CLEC16A: variants seen among roughly 807,000 people sequenced by gnomAD.
The protein encoded by CLEC16A is C-type lectin domain containing 16A.
In CLEC16A, 51 loss-of-function variants were observed where a neutral mutation model predicts 109.5. The observed-to-expected ratio is 0.47, with a 90% CI of 0.37 to 0.59. The LOEUF is 0.59. Among genes scored for constraint, CLEC16A ranks in the 20% least tolerant of loss-of-function variants. CLEC16A has a pLI of 0.00. For synonymous variants in CLEC16A, 673 were observed against 564.2 expected (o/e 1.19, Z -2.73); for missense variants, 1,339 against 1,394.0 (o/e 0.96, Z 0.63).
intron 19 of CLEC16A, among the ~76,000 whole-genome samples, chr16:11,079,574 C>T (rs1424145658): frequency 1.3e-5 from 2 of 152,186 alleles, no homozygotes; most frequent in East Asian, 3.8e-4. Context: ...TTCAACTTGG[C>T]ACATCCACAT....
At chr16:11,154,806 A>C (rs1356409429) in intron 22 of CLEC16A, among the ~76,000 whole-genome samples, 2 of 152,176 alleles carry the variant, frequency 1.3e-5, no homozygotes, top group Admixed American at 6.5e-5. Flanking sequence ...AGTTGCCTAT[A>C]ATCCCAGCTA....
At chr16:11,089,853 G>C (rs906281885) in intron 19 of CLEC16A, among the ~76,000 whole-genome samples, 3 of 152,238 alleles carry the variant, frequency 2.0e-5, no homozygotes, top group African/African-American at 7.2e-5. Context: ...GTCCAAACCA[G>C]TCAACCCTGT....
At chr16:11,122,030 C>G (rs1300422438) in intron 20 of CLEC16A, among the ~76,000 whole-genome samples, 2 of 152,162 alleles carry the variant, frequency 1.3e-5, no homozygotes, top group East Asian at 1.9e-4. Flanking sequence ...GGATGTCCAG[C>G]TGACACTTCA....
intron 18 of CLEC16A, among the ~76,000 whole-genome samples, chr16:11,054,704 C>T (rs2048119328): frequency 6.6e-6 from 1 of 152,226 alleles, no homozygotes; most frequent in Non-Finnish European, 1.5e-5. Context: ...GCTTTGGCCA[C>T]TCATCTCACT....
At chr16:11,087,338 G>A (rs766152605) in intron 19 of CLEC16A, among the ~76,000 whole-genome samples, 12 of 152,102 alleles carry the variant, frequency 7.9e-5, no homozygotes, top group Admixed American at 3.9e-4. Flanking sequence ...CCACTCTCAC[G>A]TCCAGGAGGA....
In CLEC16A at chr16:11,039,799, A is replaced by G; in HGVS notation, c.1583A>G (p.Asn528Ser). The change falls in exon 14 of 24, where the codon AAT (asparagine) becomes AGT (serine). Residue 528 changes from asparagine to serine, a missense_variant. Asn to Ser is a conservative substitution (Grantham distance 46). This residue lies in a region of CLEC16A where 1,061 missense variants were observed against 1,006.8 expected (regional missense o/e 1.05). Transcript: ENST00000409790. ...GAGCGAATCCAGCTCCCCGTGCCAAATGCGGCCGAGAAGACCACCTACAAC... is the reference window on the plus strand; with the variant it reads ...GAGCGAATCCAGCTCCCCGTGCCAAGTGCGGCCGAGAAGACCACCTACAAC... The part of the protein sequence containing the change: ...KLERIQLPVP[N>S]AAEKTTYNHP... 6.2e-7 allele frequency: 1 copy of G among 1,609,740 alleles called. No individual in the cohort carries two copies. Among genetic ancestry groups the G allele is most frequent in the African/African-American group, 1.3e-5 (1 of 74,908 alleles).
chr16:11,003,652 C>G (rs2044806676), intron 11 of CLEC16A, among the ~76,000 whole-genome samples: 1 of 152,116 alleles, frequency 6.6e-6, no homozygotes, highest in African/African-American at 2.4e-5. Flanking sequence ...CAAACAGTGC[C>G]TGGCCCATTC....
intron 13 of CLEC16A, among the ~76,000 whole-genome samples, chr16:11,032,857 G>A (rs1183816402): frequency 6.6e-6 from 1 of 152,222 alleles, no homozygotes; most frequent in East Asian, 1.9e-4. Flanking sequence ...TGAAGGCCCT[G>A]AAGAGGAATT....
chr16:11,020,121 A>C, intron 11 of CLEC16A, 72 bp from the exon 12 acceptor site: 1 of 1,505,488 alleles, frequency 6.6e-7, no homozygotes, highest in South Asian at 1.3e-5. Flanking sequence ...TTATTCTCCA[A>C]CATGAGCATG....
chr16:11,058,562 A>G (rs892272644), intron 18 of CLEC16A, among the ~76,000 whole-genome samples: 1 of 152,018 alleles, frequency 6.6e-6, no homozygotes, highest in Non-Finnish European at 1.5e-5. Context: ...AGTTGGTTGA[A>G]TCCACAGATA....
chr16:11,017,999 T>TA lies in CLEC16A; in HGVS notation c.1304-2177dup, dbSNP rs34526192. Among the ~76,000 whole-genome samples, 230 of 138,812 alleles carry TA rather than the reference T, an allele frequency of 1.7e-3. 3 individuals carry two copies. The highest frequency in any genetic ancestry group is 8.7e-3 in the South Asian group (38 of 4,348). 91.1% of individuals were successfully genotyped at this position (138,812 alleles called of 152,430 possible). A position where few individuals can be genotyped will look rare whatever the true frequency, so the allele number is the denominator to read the frequency against. On this transcript the variant is annotated intron_variant, in intron 11 of 23. Coordinates refer to ENST00000409790, the MANE Select transcript of CLEC16A (RefSeq NM_015226.3). ...TTAATAACAATTTTTAAAGAGGTAT[T>TA]AAAAAAAAAAAAAAAAAGGCAGGTG...
chr16:11,056,356 G>C (rs1366596132), intron 18 of CLEC16A, among the ~76,000 whole-genome samples: 3 of 152,220 alleles, frequency 2.0e-5, no homozygotes, highest in African/African-American at 7.2e-5. Context: ...GGGCCTGGCA[G>C]ACAGTAAGTG....
intron 13 of CLEC16A, among the ~76,000 whole-genome samples, chr16:11,034,365 C>T (rs893265922): frequency 2.6e-5 from 4 of 152,162 alleles, no homozygotes; most frequent in South Asian, 2.1e-4. Flanking sequence ...CTGGTGTTCT[C>T]GTGGTGTCTT....
chr16:11,059,610 A>G (rs753621620), intron 18 of CLEC16A, among the ~76,000 whole-genome samples: 3 of 152,240 alleles, frequency 2.0e-5, no homozygotes, highest in Non-Finnish European at 4.4e-5. Context: ...ACACTGCTGT[A>G]TAGAGGGCAC....
chr16:11,164,803 A>C (rs1317161484), intron 22 of CLEC16A, among the ~76,000 whole-genome samples: 1 of 152,212 alleles, frequency 6.6e-6, no homozygotes, highest in Non-Finnish European at 1.5e-5. Context: ...AACCCCTGCT[A>C]ACACCCTGCA....
At chr16:11,055,096 C>A (rs1597225077) in intron 18 of CLEC16A, among the ~76,000 whole-genome samples, 3 of 152,322 alleles carry the variant, frequency 2.0e-5, no homozygotes, top group African/African-American at 4.8e-5. Context: ...CTGCTAGATT[C>A]TTGCTATGTG....
intron 10 of CLEC16A, among the ~76,000 whole-genome samples, chr16:10,984,144 A>G (rs1014523961): frequency 6.6e-6 from 1 of 152,130 alleles, no homozygotes; most frequent in African/African-American, 2.4e-5. Context: ...TTGCTGCCCC[A>G]CCTACATGAA....
chr16:11,032,111 GTGAGGACCCGTTTCC>G (rs1163625019), intron 13 of CLEC16A, among the ~76,000 whole-genome samples: 3 of 152,210 alleles, frequency 2.0e-5, no homozygotes, highest in African/African-American at 7.2e-5. Flanking sequence ...GCCCGCAGGA[GTGAGGACCCGTTTCC>G]TGAGGACACC....
intron 22 of CLEC16A, among the ~76,000 whole-genome samples, chr16:11,148,407 A>G (rs1237723452): frequency 6.6e-6 from 1 of 152,180 alleles, no homozygotes; most frequent in Non-Finnish European, 1.5e-5. Context: ...GAGGCACTAG[A>G]ACTTGACAAT....
Sources: gnomAD v4.1 joint callset for allele counts (sites outside exome capture counted in the v4.1 genomes callset) on GRCh38, gnomAD v4.1.1 for gene constraint, gnomAD v4.1.1 regional missense constraint, MANE v1.5 for transcripts, NCBI Gene and HGNC (gene_info 2026-07-23, HGNC 2026-07-21) for gene names.